Variants in DSCAML1 observed in about 807,000 individuals in gnomAD.
The protein encoded by DSCAML1 is DS cell adhesion molecule like 1.
In DSCAML1, 38 loss-of-function variants were observed where a neutral mutation model predicts 200.5. The observed-to-expected ratio is 0.19, with a 90% CI of 0.15 to 0.25. The LOEUF is 0.25. DSCAML1 is among the 10% of genes least tolerant of loss of function. The pLI, the probability that DSCAML1 is intolerant of heterozygous loss-of-function variation, is 1.00. For missense variants in DSCAML1, 2,223 were observed against 2,858.8 expected (o/e 0.78, Z 5.07); for synonymous variants, 1,215 against 1,165.0 (o/e 1.04, Z -0.87).
chr11:117,571,067 A>T (rs2050840737), intron 3 of DSCAML1, among the ~76,000 whole-genome samples: 1 of 152,254 alleles, frequency 6.6e-6, no homozygotes, highest in Admixed American at 6.5e-5. Context: ...CAGAGAAATG[A>T]TATAATGAAA....
At chr11:117,726,247 A>T (rs1374020550) in intron 3 of DSCAML1, among the ~76,000 whole-genome samples, 1 of 147,180 alleles carries the variant, frequency 6.8e-6, no homozygotes, top group African/African-American at 2.7e-5. Flanking sequence ...TTGTGTGTGT[A>T]TCTCTGTGTG....
intron 3 of DSCAML1, among the ~76,000 whole-genome samples, chr11:117,665,791 G>A (rs1425114496): frequency 6.6e-6 from 1 of 152,174 alleles, no homozygotes; most frequent in African/African-American, 2.4e-5. Context: ...TAAGGTGTGA[G>A]GCAATGCCAC....
rs1454993636 is a variant in DSCAML1 at position 117,639,394 on chromosome 11, G to A, written c.512-106872C>T. Among the ~76,000 whole-genome samples, 4 of 149,222 alleles carry A rather than the reference G, an allele frequency of 2.7e-5. No homozygotes were observed. In the East Asian group the frequency reaches 6.0e-4, roughly 22 times the overall value. ...CGGATGGGTAGGAGGCTGGATGGAT[G>A]GGAGGCTGGATGGGTAGGAGGCTGA... On this transcript the variant is annotated intron_variant, in intron 3 of 32. Transcript: ENST00000651296.
At chr11:117,766,293 T>C (rs544234071) in intron 3 of DSCAML1, among the ~76,000 whole-genome samples, 1 of 152,362 alleles carries the variant, frequency 6.6e-6, no homozygotes, top group African/African-American at 2.4e-5. Context: ...CACCGTTGGC[T>C]TCTTCTGAAT....
chr11:117,581,036 C>T (rs114080012), intron 3 of DSCAML1, among the ~76,000 whole-genome samples: 113 of 152,262 alleles, frequency 7.4e-4, no homozygotes, highest in African/African-American at 2.5e-3. Flanking sequence ...GGTGAGCCAA[C>T]GAGGTAGAAT....
At chr11:117,708,179 G>A (rs2053786336) in intron 3 of DSCAML1, among the ~76,000 whole-genome samples, 1 of 152,144 alleles carries the variant, frequency 6.6e-6, no homozygotes, top group Non-Finnish European at 1.5e-5. Context: ...TGGAGTCAAG[G>A]AGACTCGGGC....
At chr11:117,592,105 C>T (rs972752822) in intron 3 of DSCAML1, among the ~76,000 whole-genome samples, 2 of 152,148 alleles carry the variant, frequency 1.3e-5, no homozygotes, top group African/African-American at 4.8e-5. Context: ...GAAAGCTGTG[C>T]TCATCAGGTA....
Position 117,469,920 on chromosome 11 carries a change from A to G in DSCAML1, c.3014T>C (p.Val1005Ala), listed in dbSNP as rs1348978270. 1.9e-6 allele frequency: 3 copies of G among 1,606,704 alleles called. No individual in the cohort carries two copies. Among genetic ancestry groups the G allele is most frequent in the Admixed American group, 1.7e-5 (1 of 59,824 alleles). ...CTTAGACACACTTACCTTCCAGGTC[A>G]CCTGGATGCTCTGTGAGGTCACTGG... is the stretch of plus-strand genomic sequence containing the variant. The part of the protein sequence containing the change: ...LQPVTSQSIQ[V>A]TWKAPKKELQ... Residue 1005 changes from valine (V) to alanine (A), a missense_variant, in exon 16 of 33, where the codon GTG becomes GCG. Physicochemically the swap from Val to Ala is moderately conservative, Grantham distance 64. Coordinates refer to ENST00000651296, the MANE Select transcript of DSCAML1 (RefSeq NM_020693.4). This position sits in a 1 kb window ranked among gnomAD's most constrained non-coding sequence, Gnocchi z 4.1.
At chr11:117,512,353 G>C (rs1056894787) in intron 8 of DSCAML1, among the ~76,000 whole-genome samples, 3 of 152,084 alleles carry the variant, frequency 2.0e-5, no homozygotes, top group African/African-American at 7.2e-5. Context: ...TCCTTGGGTA[G>C]TTCTTGGAAC....
In DSCAML1 at chr11:117,470,474, C is replaced by G. The variant is rs551273759; in HGVS notation, c.2954-494G>C. ...CCTGTAGTCCCAGCTGCTCGGGAGG[C>G]TGAGGCAGGAGAATGGCATGAACCC... On this transcript the variant is annotated intron_variant, in intron 15 of 32. Transcript: ENST00000651296. 9.9e-4 allele frequency among the ~76,000 whole-genome samples: 151 copies of G among 152,316 alleles called. 1 individual carries two copies. The highest frequency in any genetic ancestry group is 3.5e-3 in the African/African-American group (144 of 41,576).
intron 14 of DSCAML1, among the ~76,000 whole-genome samples, chr11:117,478,919 TC>T (rs1213252585): frequency 6.6e-6 from 1 of 152,202 alleles, no homozygotes; most frequent in East Asian, 1.9e-4. Flanking sequence ...CAGATTGAAC[TC>T]CTGGGTGGCT....
At chr11:117,615,685 A>G (rs1318603562) in intron 3 of DSCAML1, among the ~76,000 whole-genome samples, 1 of 152,078 alleles carries the variant, frequency 6.6e-6, no homozygotes, top group Non-Finnish European at 1.5e-5. Context: ...AGTGGAGCTA[A>G]TTAAGCCCAA....
chr11:117,491,858 G>T (rs1339224681), intron 11 of DSCAML1, among the ~76,000 whole-genome samples: 3 of 152,192 alleles, frequency 2.0e-5, no homozygotes, highest in Admixed American at 6.5e-5. Flanking sequence ...AAGAATAGGG[G>T]TGCCAAGCTG....
chr11:117,760,128 C>T (rs1488586844), intron 3 of DSCAML1, among the ~76,000 whole-genome samples: 2 of 152,332 alleles, frequency 1.3e-5, no homozygotes, highest in Admixed American at 1.3e-4. Flanking sequence ...CGAAGTCCAC[C>T]TCCACCATCC....
At chr11:117,558,735 C>T (rs555042104) in intron 3 of DSCAML1, among the ~76,000 whole-genome samples, 1 of 152,322 alleles carries the variant, frequency 6.6e-6, no homozygotes, top group Non-Finnish European at 1.5e-5. Context: ...ATTCCTAGCC[C>T]TTTTAAGGGC....
chr11:117,680,296 C>A (rs992212846), intron 3 of DSCAML1, among the ~76,000 whole-genome samples: 3 of 152,208 alleles, frequency 2.0e-5, no homozygotes, highest in Non-Finnish European at 4.4e-5. Flanking sequence ...CCTTCCAGCC[C>A]CCAAGCCTGG....
At chr11:117,718,962 G>C (rs2054002226) in intron 3 of DSCAML1, among the ~76,000 whole-genome samples, 1 of 152,150 alleles carries the variant, frequency 6.6e-6, no homozygotes, top group Non-Finnish European at 1.5e-5. Context: ...AACTTAAAGG[G>C]AAGAGAGAAG....
At position 117,740,211 on chromosome 11, in the gene DSCAML1, T is replaced by C. The variant is rs200174802; in HGVS notation, c.511+36580A>G. On this transcript the variant is annotated intron_variant, in intron 3 of 32. Coordinates refer to ENST00000651296, the MANE Select transcript of DSCAML1 (RefSeq NM_020693.4). ...TTTTACCTAATCATGGCAATGGTTC[T>C]GTGGGAAAAAAAGTACTCTATTAAG... is the stretch of plus-strand genomic sequence containing the variant. Among the ~76,000 whole-genome samples the C allele has an allele frequency of 5.8e-4, 89 of 152,264 alleles. No homozygotes were observed. The East Asian group carries it at 0.012, about 21-fold the overall frequency.
At chr11:117,635,686 A>G (rs968213011) in intron 3 of DSCAML1, among the ~76,000 whole-genome samples, 5 of 151,936 alleles carry the variant, frequency 3.3e-5, no homozygotes, top group Non-Finnish European at 7.4e-5. Flanking sequence ...AAGGAGATCG[A>G]TCAAAGTTGA....
Sources: allele counts gnomAD v4.1 joint callset (sites outside exome capture counted in the v4.1 genomes callset), GRCh38; gene constraint gnomAD v4.1.1; non-coding constraint Gnocchi (gnomAD v3.1); transcripts MANE v1.5; gene names NCBI Gene and HGNC (gene_info 2026-07-23, HGNC 2026-07-21).